OXR1: variants seen among roughly 807,000 people sequenced by gnomAD.
OXR1 encodes the protein oxidation resistance 1.
In OXR1, 41 loss-of-function variants were observed where a neutral mutation model predicts 104.6. The observed-to-expected ratio is 0.39, with a 90% CI of 0.31 to 0.51. The LOEUF (loss-of-function observed/expected upper bound fraction) is 0.51. Ranked by LOEUF, OXR1 falls within the 20% of genes least tolerant of loss-of-function variation. The pLI, the probability that OXR1 is intolerant of heterozygous loss-of-function variation, is 0.77. For synonymous variants in OXR1, 348 were observed against 348.4 expected, an observed-to-expected ratio of 1.00 and a Z score of 0.01; for missense variants, 955 against 1,031.9, an observed-to-expected ratio of 0.93 and a Z score of 1.02.
At chr8:106,512,024 T>C (rs970438047) in intron 2 of OXR1, among the ~76,000 whole-genome samples, 1 of 152,238 alleles carries the variant, frequency 6.6e-6, no homozygotes, top group Non-Finnish European at 1.5e-5. Context: ...TGAATGTTCA[T>C]GTTTGCTTTT....
At chr8:106,375,141 A>G (rs185391444) in intron 2 of OXR1, among the ~76,000 whole-genome samples, 2 of 152,308 alleles carry the variant, frequency 1.3e-5, no homozygotes, top group East Asian at 1.9e-4. Context: ...CAGATACAGA[A>G]TTTGCATAGA....
At chr8:106,750,541 G>T (rs1056900755) in intron 16 of OXR1, among the ~76,000 whole-genome samples, 34 of 151,760 alleles carry the variant, frequency 2.2e-4, no homozygotes, top group Admixed American at 5.9e-4. Flanking sequence ...TGTTGGTCAG[G>T]CTGGTCTTGA....
At chr8:106,697,648 A>C in intron 7 of OXR1, 1 of 1,613,934 alleles carries the variant, frequency 6.2e-7, no homozygotes, top group Non-Finnish European at 8.5e-7. Context: ...CACACAGGCC[A>C]TGTTCTTTCC....
At chr8:106,740,128 G>C (rs751706061) in intron 13 of OXR1, 6 of 450,262 alleles carry the variant, frequency 1.3e-5, no homozygotes, top group Non-Finnish European at 2.3e-5. Flanking sequence ...GGTTCAGGGT[G>C]ATTCTTTATT....
At chr8:106,481,238 T>C (rs1217226906) in intron 2 of OXR1, among the ~76,000 whole-genome samples, 1 of 151,920 alleles carries the variant, frequency 6.6e-6, no homozygotes, top group African/African-American at 2.4e-5. Flanking sequence ...AGACTGGAGA[T>C]TGAATGGGAA....
rs1469327597 is a variant in OXR1 at position 106,739,447 on chromosome 8, T to C, written c.2038-11T>C. On this transcript the variant is annotated splice_polypyrimidine_tract_variant and intron_variant, in intron 12 of 16. Transcript: ENST00000517566. ...TTTACATTAATGCACTACCTCTATT[T>C]ACTGTTTTAGATTACTACAAGGGAA... The C allele has an allele frequency of 6.2e-7, 1 of 1,609,256 alleles. No homozygotes were observed. The highest frequency in any genetic ancestry group is 2.2e-5 in the East Asian group (1 of 44,808).
At chr8:106,432,644 GT>G (rs10598844) in intron 2 of OXR1, among the ~76,000 whole-genome samples, 10 of 150,232 alleles carry the variant, frequency 6.7e-5, no homozygotes, top group South Asian at 2.1e-4. Context: ...CCATACCAAG[GT>G]TTTTTTTTTC....
chr8:106,458,435 G>A (rs1820725598), intron 2 of OXR1, among the ~76,000 whole-genome samples: 1 of 152,158 alleles, frequency 6.6e-6, no homozygotes, highest in Non-Finnish European at 1.5e-5. Flanking sequence ...TACAAGAGCT[G>A]TGGAAGTTTG....
chr8:106,271,521 G>A (rs1811807936), intron 1 of OXR1, among the ~76,000 whole-genome samples: 1 of 152,046 alleles, frequency 6.6e-6, no homozygotes, highest in African/African-American at 2.4e-5. Flanking sequence ...AGTCTGCAGC[G>A]TGCAACTCGC....
At chr8:106,656,366 C>T (rs1028854794) in intron 3 of OXR1, 2 of 152,276 alleles carry the variant, frequency 1.3e-5, no homozygotes, top group Non-Finnish European at 2.9e-5. Flanking sequence ...TTGTATCCTC[C>T]TGTGGCAGAA....
At chr8:106,451,969 G>A (rs751817988) in intron 2 of OXR1, among the ~76,000 whole-genome samples, 1 of 152,154 alleles carries the variant, frequency 6.6e-6, no homozygotes, top group Non-Finnish European at 1.5e-5. Context: ...ACACGAGAAC[G>A]TGAGATGATT....
chr8:106,403,738 C>G (rs1818095933), intron 2 of OXR1, among the ~76,000 whole-genome samples: 1 of 152,228 alleles, frequency 6.6e-6, no homozygotes, highest in Non-Finnish European at 1.5e-5. Context: ...GAGTCTAGAT[C>G]AATAAGTTTG....
At chr8:106,681,885 T>G (rs1828191176) in intron 4 of OXR1, among the ~76,000 whole-genome samples, 1 of 152,170 alleles carries the variant, frequency 6.6e-6, no homozygotes, top group South Asian at 2.1e-4. Context: ...TCCCAAAAAT[T>G]TGTGCTTCAT....
intron 1 of OXR1, among the ~76,000 whole-genome samples, chr8:106,332,181 A>G (rs1167117271): frequency 1.3e-5 from 2 of 152,120 alleles, no homozygotes; most frequent in Admixed American, 6.5e-5. Context: ...GAGAGGGTCA[A>G]TGAAAAATTT....
At chr8:106,468,697 A>C (rs1411318112) in intron 2 of OXR1, among the ~76,000 whole-genome samples, 2 of 151,810 alleles carry the variant, frequency 1.3e-5, no homozygotes, top group East Asian at 3.9e-4. Context: ...ATTTATGGTT[A>C]ATATGGGCTA....
At chr8:106,655,768 C>T (rs1013348317) in intron 3 of OXR1, among the ~76,000 whole-genome samples, 3 of 152,034 alleles carry the variant, frequency 2.0e-5, no homozygotes, top group Admixed American at 6.5e-5. Flanking sequence ...AGAGACATTA[C>T]GACTCAGCCG....
At chr8:106,483,028 A>G (rs908219223) in intron 2 of OXR1, among the ~76,000 whole-genome samples, 2 of 152,098 alleles carry the variant, frequency 1.3e-5, no homozygotes, top group African/African-American at 4.8e-5. Flanking sequence ...TCACTTGGTC[A>G]TCTGACTCCA....
chr8:106,289,759 C>T (rs1303837243), intron 1 of OXR1, among the ~76,000 whole-genome samples: 4 of 152,170 alleles, frequency 2.6e-5, no homozygotes, highest in Admixed American at 2.0e-4. Context: ...TGTCCCCACC[C>T]AAATCCCATC....
intron 3 of OXR1, among the ~76,000 whole-genome samples, chr8:106,613,561 G>A (rs1358410389): frequency 1.3e-5 from 2 of 152,154 alleles, no homozygotes; most frequent in Non-Finnish European, 2.9e-5. Flanking sequence ...ACAATACCCA[G>A]CTAATTTTTG....
Sources: gnomAD v4.1 joint callset for allele counts (sites outside exome capture counted in the v4.1 genomes callset) on GRCh38, gnomAD v4.1.1 for gene constraint, MANE v1.5 for transcripts, NCBI Gene and HGNC (gene_info 2026-07-23, HGNC 2026-07-21) for gene names.